The following CDH18 variants were observed in gnomAD, a reference collection of about 807,000 sequenced individuals.
The protein encoded by CDH18 is cadherin-18.
A neutral mutation model predicts 67.9 loss-of-function variants in CDH18; 31 were observed. That is an observed-to-expected ratio of 0.46 (90% CI 0.34 to 0.62). CDH18 has a LOEUF of 0.62. CDH18 is among the 20% of genes least tolerant of loss of function. The pLI is 0.01. For missense variants in CDH18, 890 were observed against 975.5 expected, an observed-to-expected ratio of 0.91 and a Z score of 1.17; for synonymous variants, 362 against 347.2, an observed-to-expected ratio of 1.04 and a Z score of -0.48.
chr5:19,566,116 A>G (rs1030721903), intron 8 of CDH18, among the ~76,000 whole-genome samples: 1 of 152,182 alleles, frequency 6.6e-6, no homozygotes, highest in Non-Finnish European at 1.5e-5. Flanking sequence ...ACAGACATAT[A>G]AAAAGGTGCT....
chr5:19,631,780 T>C (rs1382985335), intron 5 of CDH18, among the ~76,000 whole-genome samples: 1 of 152,182 alleles, frequency 6.6e-6, no homozygotes, highest in Non-Finnish European at 1.5e-5. Flanking sequence ...TAATGAACTA[T>C]TTAAAAATAT....
At chr5:20,296,715 T>A (rs1747568475) in intron 1 of CDH18, among the ~76,000 whole-genome samples, 1 of 151,806 alleles carries the variant, frequency 6.6e-6, no homozygotes, top group Non-Finnish European at 1.5e-5. Context: ...TTAATTATAT[T>A]GTAAAATATT....
chr5:20,195,023 A>G (rs980518973), intron 2 of CDH18, among the ~76,000 whole-genome samples: 1 of 152,112 alleles, frequency 6.6e-6, no homozygotes, highest in Non-Finnish European at 1.5e-5. Context: ...AAACCACTAT[A>G]TTTTATAATG....
At chr5:20,031,862 G>T (rs1239066161) in intron 2 of CDH18, among the ~76,000 whole-genome samples, 1 of 152,020 alleles carries the variant, frequency 6.6e-6, no homozygotes, top group African/African-American at 2.4e-5. Context: ...GGGAGATGAA[G>T]AAAATTCACC....
chr5:20,361,177 G>A (rs1742060283), intron 1 of CDH18, among the ~76,000 whole-genome samples: 1 of 151,836 alleles, frequency 6.6e-6, no homozygotes, highest in African/African-American at 2.4e-5. Flanking sequence ...CAAAAAAAAT[G>A]CCTGAGTTAT....
chr5:19,619,067 C>T (rs1412905635), intron 5 of CDH18, among the ~76,000 whole-genome samples: 1 of 151,902 alleles, frequency 6.6e-6, no homozygotes, highest in African/African-American at 2.4e-5. Context: ...TCTGAATTTT[C>T]CCAAACGATT....
intron 2 of CDH18, among the ~76,000 whole-genome samples, chr5:20,083,152 A>G (rs541822033): frequency 6.6e-6 from 1 of 152,298 alleles, no homozygotes; most frequent in Non-Finnish European, 1.5e-5. Context: ...AGAATTGAGG[A>G]TGAGTGATAA....
At chr5:20,010,078 G>T (rs911883274) in intron 2 of CDH18, among the ~76,000 whole-genome samples, 2 of 149,470 alleles carry the variant, frequency 1.3e-5, no homozygotes, top group Non-Finnish European at 3.0e-5. Context: ...ATCTGTCAAC[G>T]GAGACTCCAG....
At chr5:19,498,329 A>G (rs1019088439) in intron 11 of CDH18, among the ~76,000 whole-genome samples, 1 of 152,194 alleles carries the variant, frequency 6.6e-6, no homozygotes, top group Non-Finnish European at 1.5e-5. Context: ...CAAGACATGA[A>G]GAAATGCAAG....
chr5:20,137,124 G>T (rs1461753534), intron 2 of CDH18, among the ~76,000 whole-genome samples: 1 of 152,038 alleles, frequency 6.6e-6, no homozygotes, highest in East Asian at 1.9e-4. Flanking sequence ...TTTGAATGTT[G>T]GCCTGCCTTG....
At chr5:19,613,507 T>C (rs527970483) in intron 5 of CDH18, among the ~76,000 whole-genome samples, 2 of 152,118 alleles carry the variant, frequency 1.3e-5, no homozygotes, top group Non-Finnish European at 2.9e-5. Context: ...ACTGATAAGG[T>C]TTATTCTATA....
At chr5:19,963,901 A>AG in intron 2 of CDH18, among the ~76,000 whole-genome samples, 1 of 152,148 alleles carries the variant, frequency 6.6e-6, no homozygotes, top group Middle Eastern at 3.4e-3. Context: ...AAAAGAGCAA[A>AG]GGGGGAAGAG....
chr5:19,964,940 T>C (rs1016097125), intron 2 of CDH18, among the ~76,000 whole-genome samples: 1 of 152,134 alleles, frequency 6.6e-6, no homozygotes, highest in African/African-American at 2.4e-5. Flanking sequence ...GATATTGAAA[T>C]ACTTAAGTTT....
chr5:20,485,821 A>AT (rs1415084501), intron 1 of CDH18, among the ~76,000 whole-genome samples: 1 of 152,220 alleles, frequency 6.6e-6, no homozygotes, highest in Admixed American at 6.5e-5. Context: ...CATAGTTAAC[A>AT]TAACAAATGA....
chr5:19,736,332 A>G (rs1294386395), intron 4 of CDH18, among the ~76,000 whole-genome samples: 1 of 152,112 alleles, frequency 6.6e-6, no homozygotes, highest in Admixed American at 6.6e-5. Flanking sequence ...AGTGAGCCAT[A>G]ATCGTGCTGC....
chr5:20,486,948 G>A (rs1156806094), intron 1 of CDH18, among the ~76,000 whole-genome samples: 8 of 152,186 alleles, frequency 5.3e-5, no homozygotes, highest in African/African-American at 1.9e-4. Flanking sequence ...CAGGGAGGCA[G>A]AAGATGCTGC....
intron 2 of CDH18, among the ~76,000 whole-genome samples, chr5:19,902,991 A>T (rs2150117316): frequency 6.6e-6 from 1 of 152,178 alleles, no homozygotes; most frequent in African/African-American, 2.4e-5. Flanking sequence ...TTATTATTTT[A>T]AAACTTTGTT....
At chr5:19,860,453 T>C (rs1182165928) in intron 2 of CDH18, among the ~76,000 whole-genome samples, 1 of 151,458 alleles carries the variant, frequency 6.6e-6, no homozygotes, top group Non-Finnish European at 1.5e-5. Flanking sequence ...TTTCCTATTA[T>C]GGCACTTTTT....
intron 1 of CDH18, among the ~76,000 whole-genome samples, chr5:19,986,173 G>A (rs1335875992): frequency 1.3e-5 from 2 of 152,140 alleles, no homozygotes; most frequent in South Asian, 4.1e-4. Context: ...ATTCTCACAA[G>A]TCCACTATAT....
Sources: gnomAD v4.1 joint callset for allele counts (sites outside exome capture counted in the v4.1 genomes callset) on GRCh38, gnomAD v4.1.1 for gene constraint, MANE v1.5 for transcripts, NCBI Gene and HGNC (gene_info 2026-07-23, HGNC 2026-07-21) for gene names.